The following FHIP1A variants were observed in gnomAD, a reference collection of about 807,000 sequenced individuals.
FHIP1A encodes the protein FHF complex subunit HOOK-interacting protein 1A.
FHIP1A carries 61 observed loss-of-function variants against 88.6 expected under a neutral mutation model. The observed-to-expected ratio is 0.69, with a 90% CI of 0.56 to 0.85. FHIP1A has a LOEUF of 0.85. FHIP1A is among the 40% of genes least tolerant of loss of function. The pLI is 0.00. For missense variants in FHIP1A, 1,154 were observed against 1,273.5 expected (o/e 0.91, Z 1.43); for synonymous variants, 478 against 496.0 (o/e 0.96, Z 0.48).
chr4:151,488,599 C>T (rs768046899), intron 3 of FHIP1A, among the ~76,000 whole-genome samples: 3 of 152,276 alleles, frequency 2.0e-5, no homozygotes, highest in African/African-American at 4.8e-5. Context: ...CTGTGATTAG[C>T]GTGTGAGTGC....
chr4:151,555,216 C>G (rs1200683877), intron 3 of FHIP1A, among the ~76,000 whole-genome samples: 2 of 152,144 alleles, frequency 1.3e-5, no homozygotes, highest in Non-Finnish European at 2.9e-5. Context: ...GGATGTTACA[C>G]TGACCCAAGT....
chr4:151,543,726 A>ATC (rs1340998727), intron 3 of FHIP1A, among the ~76,000 whole-genome samples: 1 of 152,214 alleles, frequency 6.6e-6, no homozygotes, highest in Non-Finnish European at 1.5e-5. Context: ...TCATTAAATA[A>ATC]TCTAAGTCAC....
rs1310366710 is a variant in FHIP1A at position 151,650,054 on chromosome 4, G to C, written c.2013G>C (p.Gln671His). The C allele has an allele frequency of 1.9e-6, 3 of 1,551,668 alleles. No homozygotes were observed. Among genetic ancestry groups the C allele is most frequent in the Non-Finnish European group, 1.7e-6 (2 of 1,146,990 alleles). ...EEAARPPAEA[Q>H]AEVQSVPINN... ...CTGCTAGGCCACCAGCTGAAGCCCA[G>C]GCTGAAGTTCAGAGTGTCCCCATCA... The change falls in exon 11 of 14, where the codon CAG becomes CAC. Residue 671 changes from glutamine to histidine, a missense_variant. Gln to His is a conservative substitution (Grantham distance 24, BLOSUM62 0). Coordinates refer to ENST00000435205, the MANE Select transcript of FHIP1A (RefSeq NM_001109977.3).
intron 4 of FHIP1A, among the ~76,000 whole-genome samples, chr4:151,575,891 C>G (rs750086459): frequency 1.3e-5 from 2 of 152,102 alleles, no homozygotes; most frequent in Non-Finnish European, 2.9e-5. Flanking sequence ...AGTACTTGCA[C>G]AGAACATGTA....
At chr4:151,462,559 C>A (rs924192542) in intron 2 of FHIP1A, among the ~76,000 whole-genome samples, 1 of 152,054 alleles carries the variant, frequency 6.6e-6, no homozygotes. Flanking sequence ...TTTTGGCATG[C>A]CTTTGAGTAA....
intron 7 of FHIP1A, among the ~76,000 whole-genome samples, chr4:151,600,481 A>G (rs1200143641): frequency 6.6e-6 from 1 of 152,142 alleles, no homozygotes; most frequent in Non-Finnish European, 1.5e-5. Flanking sequence ...TAGTGAGGGG[A>G]GCTTAGTAAG....
At position 151,649,706 on chromosome 4, in the gene FHIP1A, G is replaced by T. The variant is rs181059274; in HGVS notation, c.1665G>T (p.Pro555=). The change falls in exon 11 of 14, where the codon CCG becomes CCT. Residue 555 remains proline (P), a synonymous_variant. Coordinates refer to ENST00000435205, the MANE Select transcript of FHIP1A (RefSeq NM_001109977.3). ...CGGCCTGCCCTGTGTTCGGGCTCCC[G>T]CAACAACTCCCCAGGAAGACAGGAC... The part of the protein sequence containing the change: ...VSSACPVFGL[P]QQLPRKTGPQ... 3 of 1,551,366 alleles carry T rather than the reference G, an allele frequency of 1.9e-6. No individual in the cohort carries two copies. Among genetic ancestry groups the T allele is most frequent in the African/African-American group, 1.4e-5 (1 of 72,970 alleles).
At chr4:151,633,437 G>T (rs1362363937) in intron 8 of FHIP1A, among the ~76,000 whole-genome samples, 1 of 151,838 alleles carries the variant, frequency 6.6e-6, no homozygotes, top group Non-Finnish European at 1.5e-5. Flanking sequence ...GAAGATCCAG[G>T]AACATTTTCA....
intron 8 of FHIP1A, among the ~76,000 whole-genome samples, chr4:151,630,582 C>T (rs566219335): frequency 6.6e-6 from 1 of 152,074 alleles, no homozygotes; most frequent in Admixed American, 6.5e-5. Context: ...AAAATGTATA[C>T]TGGAAGCCCT....
chr4:151,566,872 C>T (rs1389569229), intron 4 of FHIP1A, among the ~76,000 whole-genome samples: 3 of 151,978 alleles, frequency 2.0e-5, no homozygotes, highest in South Asian at 2.1e-4. Flanking sequence ...AGAAAATTAC[C>T]GAGGTTAAAT....
At position 151,656,224 on chromosome 4, in the gene FHIP1A, T is replaced by A; in HGVS notation, c.2552-8T>A. 1.3e-6 allele frequency: 2 copies of A among 1,550,170 alleles called. No homozygotes were observed. The highest frequency in any genetic ancestry group is 1.7e-6 in the Non-Finnish European group (2 of 1,145,730). On this transcript the variant is annotated splice_polypyrimidine_tract_variant and splice_region_variant and intron_variant, in intron 11 of 13. Transcript: ENST00000435205. This position sits in a 1 kb window ranked among gnomAD's most constrained non-coding sequence, Gnocchi z 4.2. ...AGCCAGCCCTGAAGCCTTGTGTTCT[T>A]CCTGCAGGCCCATTCATCAGCGTAG...
At chr4:151,484,465 A>C (rs1344941788) in intron 3 of FHIP1A, among the ~76,000 whole-genome samples, 1 of 152,226 alleles carries the variant, frequency 6.6e-6, no homozygotes, top group East Asian at 1.9e-4. Context: ...CCTGGCAAGG[A>C]TACTAAGAAG....
At position 151,667,479 on chromosome 4, in the gene FHIP1A, CT is replaced by C. The variant is rs1262377338; in HGVS notation, c.*4726del. ...AGAATGGTTTTTAGGATAATTTTGC[CT>C]CAGTAAATCCTCTCTACATTCAGGC... On this transcript the variant is annotated 3_prime_UTR_variant, in exon 14 of 14. Coordinates refer to ENST00000435205, the MANE Select transcript of FHIP1A (RefSeq NM_001109977.3). Among the ~76,000 whole-genome samples, 1 of 152,154 alleles carries C rather than the reference CT, an allele frequency of 6.6e-6. No individual in the cohort carries two copies. Among genetic ancestry groups the C allele is most frequent in the East Asian group, 1.9e-4 (1 of 5,198 alleles).
chr4:151,412,906 A>T (rs1732723472), intron 1 of FHIP1A, among the ~76,000 whole-genome samples: 1 of 151,122 alleles, frequency 6.6e-6, no homozygotes, highest in Non-Finnish European at 1.5e-5. Context: ...CTGGTCTCGA[A>T]CTCCTGACCT....
At chr4:151,514,785 C>T (rs1052755137) in intron 3 of FHIP1A, among the ~76,000 whole-genome samples, 1 of 152,124 alleles carries the variant, frequency 6.6e-6, no homozygotes, top group African/African-American at 2.4e-5. Context: ...AGACCAATAA[C>T]AGGCTCTGAA....
At chr4:151,464,689 A>G (rs887670380) in intron 2 of FHIP1A, among the ~76,000 whole-genome samples, 1 of 152,184 alleles carries the variant, frequency 6.6e-6, no homozygotes, top group Non-Finnish European at 1.5e-5. Context: ...GTGTATCTTG[A>G]ATGTTCAGCC....
At chr4:151,574,989 A>G (rs1171744686) in intron 4 of FHIP1A, among the ~76,000 whole-genome samples, 4 of 152,036 alleles carry the variant, frequency 2.6e-5, no homozygotes, top group African/African-American at 7.2e-5. Flanking sequence ...CATTTTCCCC[A>G]AAGTCAGATT....
chr4:151,559,232 G>A (rs1733075243), intron 3 of FHIP1A, among the ~76,000 whole-genome samples: 1 of 152,162 alleles, frequency 6.6e-6, no homozygotes, highest in Admixed American at 6.5e-5. Context: ...CTTCAAATAT[G>A]TTGTCATTGC....
chr4:151,513,410 C>T (rs1233474335), intron 3 of FHIP1A, among the ~76,000 whole-genome samples: 1 of 152,134 alleles, frequency 6.6e-6, no homozygotes, highest in Non-Finnish European at 1.5e-5. Flanking sequence ...AGCAAAATAA[C>T]CAACTAACAT....
Sources: allele counts gnomAD v4.1 joint callset (sites outside exome capture counted in the v4.1 genomes callset), GRCh38; gene constraint gnomAD v4.1.1; non-coding constraint Gnocchi (gnomAD v3.1); transcripts MANE v1.5; gene names NCBI Gene and HGNC (gene_info 2026-07-23, HGNC 2026-07-21).